Variants in XPNPEP1 observed in about 807,000 individuals in gnomAD.
The protein encoded by XPNPEP1 is xaa-Pro aminopeptidase 1.
In XPNPEP1, 39 loss-of-function variants were observed where a neutral mutation model predicts 92.4. That is an observed-to-expected ratio of 0.42 (90% confidence interval 0.33 to 0.55). The LOEUF is 0.55. Ranked by LOEUF, XPNPEP1 falls within the 20% of genes least tolerant of loss-of-function variation. The pLI is 0.08. For synonymous variants in XPNPEP1, 307 were observed against 299.4 expected, an observed-to-expected ratio of 1.03 and a Z score of -0.26; for missense variants, 654 against 856.1, an observed-to-expected ratio of 0.76 and a Z score of 2.95.
At position 109,880,945 on chromosome 10, in the gene XPNPEP1, G is replaced by A. The variant is rs2133395025; in HGVS notation, c.1042-14C>T. On this transcript the variant is annotated splice_polypyrimidine_tract_variant and intron_variant, in intron 10 of 20. Coordinates refer to ENST00000502935, the MANE Select transcript of XPNPEP1 (RefSeq NM_020383.4). ...GCAGCGGTGGTCCTAGAGGCAAAGG[G>A]CAGTAGGGTGGGAAATCAAACCGGC... 1 of 1,611,114 alleles carries A rather than the reference G, an allele frequency of 6.2e-7. No individual in the cohort carries two copies. Among genetic ancestry groups the A allele is most frequent in the East Asian group, 2.2e-5 (1 of 44,802 alleles).
chr10:109,918,417 T>C (rs1441563652), intron 1 of XPNPEP1, among the ~76,000 whole-genome samples: 1 of 151,136 alleles, frequency 6.6e-6, no homozygotes, highest in African/African-American at 2.4e-5. Flanking sequence ...AGAGACCCTG[T>C]CTCAAAAAAA....
At chr10:109,905,477 GGATTACAGGCGT>G (rs1244284136) in intron 3 of XPNPEP1, among the ~76,000 whole-genome samples, 2 of 152,076 alleles carry the variant, frequency 1.3e-5, no homozygotes, top group Admixed American at 1.3e-4. Flanking sequence ...CAAAGTGCTG[GGATTACAGGCGT>G]GAGCCACCGT....
At chr10:109,903,042 A>G (rs1849368711) in intron 3 of XPNPEP1, among the ~76,000 whole-genome samples, 1 of 152,220 alleles carries the variant, frequency 6.6e-6, no homozygotes, top group Non-Finnish European at 1.5e-5. Context: ...ATGACCAAAC[A>G]AACAAAAAAA....
chr10:109,888,057 T>C lies in XPNPEP1; in HGVS notation c.644A>G (p.Asp215Gly). The C allele has an allele frequency of 6.2e-7, 1 of 1,614,020 alleles. No homozygotes were observed. The highest frequency in any genetic ancestry group is 8.5e-7 in the Non-Finnish European group (1 of 1,179,996). ...PCKPLLTLGL[D>G]YTGISWKDKV... ...GAACCATTGATTCTGACCTGTGTAA[T>C]CCAGGCCCAGTGTGAGGAGAGGCTT... The change falls in exon 7 of 21, where the codon GAT (aspartate) becomes GGT (glycine). Residue 215 changes from aspartate to glycine, a missense_variant. Transcript: ENST00000502935.
chr10:109,907,901 C>A, intron 2 of XPNPEP1, 86 bp from the exon 3 acceptor site: 2 of 1,565,058 alleles, frequency 1.3e-6, no homozygotes, highest in South Asian at 1.2e-5. Flanking sequence ...GAGAGAAGTG[C>A]CTTCTACGTT....
At chr10:109,910,366 G>C (rs912981793) in intron 2 of XPNPEP1, among the ~76,000 whole-genome samples, 3 of 152,208 alleles carry the variant, frequency 2.0e-5, no homozygotes, top group African/African-American at 7.2e-5. Context: ...CCAACATAGA[G>C]AAACCCCATC....
rs183600010 is a variant in XPNPEP1 at position 109,919,761 on chromosome 10, C to T, written c.32+3641G>A. ...CAATAAAGGGAAATCACGCCAGGCG[C>T]GGTAGCTCACGCCTGTAATCCCAGC... On this transcript the variant is annotated intron_variant, in intron 1 of 20. Transcript: ENST00000502935. Among the ~76,000 whole-genome samples, 449 of 152,282 alleles carry T rather than the reference C, an allele frequency of 2.9e-3. 3 individuals carry two copies. The Middle Eastern group carries it at 0.044, about 15-fold the overall frequency.
chr10:109,875,247 T>C (rs1464735250), intron 15 of XPNPEP1, among the ~76,000 whole-genome samples: 2 of 152,110 alleles, frequency 1.3e-5, no homozygotes, highest in Non-Finnish European at 2.9e-5. Flanking sequence ...CTTTCAACGG[T>C]TCCAAAAGCT....
chr10:109,918,701 C>CA lies in XPNPEP1; in HGVS notation c.33-3603dup, dbSNP rs1485615702. 5.3e-5 allele frequency among the ~76,000 whole-genome samples: 8 copies of CA among 151,816 alleles called. No individual in the cohort carries two copies. In the East Asian group the frequency reaches 1.6e-3, roughly 30 times the overall value. On this transcript the variant is annotated intron_variant, in intron 1 of 20. Coordinates refer to ENST00000502935, the MANE Select transcript of XPNPEP1 (RefSeq NM_020383.4). Reference sequence around the variant, plus strand: ...GTGTGAACCCAGGAGGGGGAGCTTGCAGTGAGCTGAGATCGGGCCACTGCA... The same window carrying CA: ...GTGTGAACCCAGGAGGGGGAGCTTGCAAGTGAGCTGAGATCGGGCCACTGCA...
intron 4 of XPNPEP1, chr10:109,892,715 T>A (rs187765268): frequency 1.8e-5 from 6 of 342,608 alleles, no homozygotes; most frequent in Non-Finnish European, 1.6e-5. Flanking sequence ...ATATTCAGTT[T>A]AATTGATAGA....
intron 3 of XPNPEP1, among the ~76,000 whole-genome samples, chr10:109,898,896 G>A (rs1345173501): frequency 2.6e-5 from 4 of 152,204 alleles, no homozygotes; most frequent in African/African-American, 9.6e-5. Flanking sequence ...AGATAAGCAT[G>A]ACTAAAGTTA....
intron 9 of XPNPEP1, among the ~76,000 whole-genome samples, chr10:109,883,223 C>A (rs1848204719): frequency 6.6e-6 from 1 of 152,116 alleles, no homozygotes; most frequent in South Asian, 2.1e-4. Flanking sequence ...CCTCACTGAA[C>A]CACTTCAGGT....
intron 12 of XPNPEP1, among the ~76,000 whole-genome samples, chr10:109,878,703 C>T (rs1292854066): frequency 1.3e-5 from 2 of 151,924 alleles, no homozygotes; most frequent in East Asian, 1.9e-4. Flanking sequence ...GCCTGGGCAA[C>T]ATGGCAAAAC....
intron 1 of XPNPEP1, among the ~76,000 whole-genome samples, chr10:109,923,004 C>A (rs1850635281): frequency 6.6e-6 from 1 of 152,202 alleles, no homozygotes; most frequent in African/African-American, 2.4e-5. Context: ...GTTTAGATTC[C>A]TGGGTAACAG....
chr10:109,882,190 A>G (rs765399389), intron 10 of XPNPEP1, among the ~76,000 whole-genome samples: 7 of 152,134 alleles, frequency 4.6e-5, no homozygotes, highest in African/African-American at 1.7e-4. Flanking sequence ...ATTTAAGCAA[A>G]CCTAAATAAT....
chr10:109,888,409 C>A (rs550654703), intron 6 of XPNPEP1, 94 bp downstream of exon 6: 4 of 1,330,330 alleles, frequency 3.0e-6, no homozygotes, highest in Admixed American at 2.3e-5. Flanking sequence ...GCTGAGCCCC[C>A]CAGTGCTCCA....
At chr10:109,904,081 G>A (rs1430820222) in intron 3 of XPNPEP1, among the ~76,000 whole-genome samples, 4 of 151,396 alleles carry the variant, frequency 2.6e-5, no homozygotes, top group Non-Finnish European at 4.4e-5. Context: ...CTGACCTCAG[G>A]TGATCCACCT....
chr10:109,923,429 G>A lies in XPNPEP1; in HGVS notation c.5C>T (p.Ala2Val). ...TACTCGCGGTGGCTTTCTGGAGGCT[G>A]CCATTCGGCGGTGACGTGCCCCAGC... M[A>V]ASRKPPRVRV... Residue 2 changes from alanine (A) to valine (V), a missense_variant, in exon 1 of 21, where the codon GCA becomes GTA. Physicochemically the swap from Ala to Val is moderately conservative, Grantham distance 64. Coordinates refer to ENST00000502935, the MANE Select transcript of XPNPEP1 (RefSeq NM_020383.4). 8.3e-6 allele frequency: 12 copies of A among 1,441,628 alleles called. No homozygotes were observed. The highest frequency in any genetic ancestry group is 2.4e-4 in the Middle Eastern group (1 of 4,094). The allele number at this position is 1,441,628 out of a possible 1,614,324, so 89.3% of individuals were successfully genotyped here.
rs61882214 is a variant in XPNPEP1, at chr10:109,900,869, T to C, written c.246+6822A>G. On this transcript the variant is annotated intron_variant, in intron 3 of 20. Transcript: ENST00000502935. Reference sequence around the variant, plus strand: ...TTCTTCAAGCTTATTGTCATGCATGTTCTCCTAATTCCATAGATACCCATG... The same window carrying C: ...TTCTTCAAGCTTATTGTCATGCATGCTCTCCTAATTCCATAGATACCCATG... Among the ~76,000 whole-genome samples, 674 of 152,298 alleles carry C rather than the reference T, an allele frequency of 4.4e-3. 3 individuals are homozygous for C. The highest frequency in any genetic ancestry group is 8.0e-3 in the Non-Finnish European group (544 of 68,006).
Sources: allele counts gnomAD v4.1 joint callset (sites outside exome capture counted in the v4.1 genomes callset), GRCh38; gene constraint gnomAD v4.1.1; transcripts MANE v1.5; gene names NCBI Gene and HGNC (gene_info 2026-07-23, HGNC 2026-07-21).